ASXL1: variants seen among roughly 807,000 people sequenced by gnomAD.
The protein encoded by ASXL1 is polycomb group protein ASXL1.
A neutral mutation model predicts 89.1 loss-of-function variants in ASXL1; 65 were observed. The observed-to-expected ratio is 0.73, with a 90% CI of 0.60 to 0.90. The LOEUF (loss-of-function observed/expected upper bound fraction) is 0.90. Ranked by LOEUF, ASXL1 falls within the 40% of genes least tolerant of loss-of-function variation. The probability of loss-of-function intolerance (pLI) is 0.00; values close to 1 mark genes in which losing one functional copy is unlikely to be tolerated. For missense variants in ASXL1, 1,786 were observed against 1,942.9 expected, an observed-to-expected ratio of 0.92 and a Z score of 1.52; for synonymous variants, 739 against 746.9, an observed-to-expected ratio of 0.99 and a Z score of 0.17.
chr20:32,436,161 G>A lies in ASXL1; in HGVS notation c.3449G>A (p.Gly1150Glu), dbSNP rs773823004. The A allele has an allele frequency of 6.2e-7, 1 of 1,614,204 alleles. No homozygotes were observed. The highest frequency in any genetic ancestry group is 8.5e-7 in the Non-Finnish European group (1 of 1,180,044). ...KDQSHGSLRM[G>E]SLHGLGKNSG... ...CAGAGCCATGGCTCGCTACGCATGG[G>A]ATCTTTACATGGTCTTGGAAAAAAC... is the stretch of plus-strand genomic sequence containing the variant. Residue 1150 changes from glycine to glutamate, a missense_variant, in exon 13 of 13, where the codon GGA becomes GAA. Coordinates refer to ENST00000375687, the MANE Select transcript of ASXL1 (RefSeq NM_015338.6).
intron 4 of ASXL1, among the ~76,000 whole-genome samples, chr20:32,387,395 C>T (rs2048598047): frequency 6.6e-6 from 1 of 152,210 alleles, no homozygotes; most frequent in African/African-American, 2.4e-5. Flanking sequence ...CAGATGCCTG[C>T]TGATCCTTGA....
intron 6 of ASXL1, 61 bp downstream of exon 6, chr20:32,428,483 C>T: frequency 7.0e-7 from 1 of 1,433,244 alleles, no homozygotes. Flanking sequence ...AGGCAAGATC[C>T]CTCCTTCTCC....
chr20:32,433,780 G>T lies in ASXL1; in HGVS notation c.1582G>T (p.Glu528Ter), dbSNP rs746873290. 6.2e-7 allele frequency: 1 copy of T among 1,614,240 alleles called. No individual in the cohort carries two copies. The highest frequency in any genetic ancestry group is 1.1e-5 in the South Asian group (1 of 91,086). Residue 528 changes from glutamate to a stop codon, truncating the protein, a stop_gained, in exon 12 of 13, where the codon GAG becomes TAG. Coordinates refer to ENST00000375687, the MANE Select transcript of ASXL1 (RefSeq NM_015338.6). LOFTEE classifies it high-confidence loss of function. ...CAAGGATCAGAAGAGGAAATCCTTTGAGCAGGCGGCCTCTGCATCCTTTCC... is the reference window on the plus strand; with the variant it reads ...CAAGGATCAGAAGAGGAAATCCTTTTAGCAGGCGGCCTCTGCATCCTTTCC... ...EPKDQKRKSFEQAASASFPEK... is the reference protein window; with the variant it reads ...EPKDQKRKSF
intron 1 of ASXL1, among the ~76,000 whole-genome samples, chr20:32,362,695 A>G (rs1009770890): frequency 6.6e-6 from 1 of 152,230 alleles, no homozygotes; most frequent in African/African-American, 2.4e-5. Context: ...AGGAAAGAAG[A>G]TTCTTAAGAA....
chr20:32,414,376 A>C (rs2049101181), intron 4 of ASXL1, among the ~76,000 whole-genome samples: 1 of 148,808 alleles, frequency 6.7e-6, no homozygotes, highest in African/African-American at 2.5e-5. Flanking sequence ...TTTAATTTCT[A>C]GCAGATTGTT....
chr20:32,377,854 T>C (rs2048412489), intron 4 of ASXL1, among the ~76,000 whole-genome samples: 1 of 152,090 alleles, frequency 6.6e-6, no homozygotes, highest in Non-Finnish European at 1.5e-5. Context: ...GGTTTCACCA[T>C]GTTGGCCAGG....
chr20:32,430,958 C>T (rs2011495296), intron 8 of ASXL1: 2 of 466,932 alleles, frequency 4.3e-6, no homozygotes, highest in Non-Finnish European at 7.9e-6. Flanking sequence ...ACTAGATTTA[C>T]TTTTAGATAA....
chr20:32,372,989 C>T (rs2048324531), intron 4 of ASXL1, among the ~76,000 whole-genome samples: 1 of 148,312 alleles, frequency 6.7e-6, no homozygotes, highest in Non-Finnish European at 1.5e-5. Context: ...GTTGCCCAGG[C>T]TGGTCTTGAA....
At chr20:32,360,040 G>T in intron 1 of ASXL1, 3 of 498,086 alleles carry the variant, frequency 6.0e-6, no homozygotes, top group East Asian at 3.2e-5. Context: ...ATTTTGAAGT[G>T]AGTTTTCTGC....
intron 4 of ASXL1, among the ~76,000 whole-genome samples, chr20:32,370,707 C>T (rs1406681084): frequency 6.6e-6 from 1 of 152,008 alleles, no homozygotes; most frequent in Admixed American, 6.6e-5. Context: ...AAAACTTGGT[C>T]TTTATATATA....
In ASXL1 at chr20:32,431,479, A is replaced by C; in HGVS notation, c.877A>C (p.Arg293=). ...QLLFLLPEVD[R]QVGTDGLLRL... ...CCTCTTCCTCCTGCCTGAAGTAGAC[A>C]GACAGGTGCACATGGGCAGCCTCCC... is the stretch of plus-strand genomic sequence containing the variant. The change falls in exon 9 of 13, where the codon AGA becomes CGA. Residue 293 remains arginine, a synonymous_variant. Coordinates refer to ENST00000375687, the MANE Select transcript of ASXL1 (RefSeq NM_015338.6). 1 of 1,614,132 alleles carries C rather than the reference A, an allele frequency of 6.2e-7. No individual in the cohort carries two copies. Among genetic ancestry groups the C allele is most frequent in the Non-Finnish European group, 8.5e-7 (1 of 1,180,016 alleles).
At chr20:32,381,002 T>C (rs1422481189) in intron 4 of ASXL1, among the ~76,000 whole-genome samples, 1 of 152,232 alleles carries the variant, frequency 6.6e-6, no homozygotes, top group Non-Finnish European at 1.5e-5. Flanking sequence ...CTGGTCATTA[T>C]TCATTGTGTT....
chr20:32,390,121 CTT>C (rs990769080), intron 4 of ASXL1, among the ~76,000 whole-genome samples: 1 of 152,168 alleles, frequency 6.6e-6, no homozygotes, highest in Non-Finnish European at 1.5e-5. Flanking sequence ...TAAATCCTAA[CTT>C]AGCCTACCTT....
chr20:32,414,365 T>C (rs536984341), intron 4 of ASXL1, among the ~76,000 whole-genome samples: 2 of 152,144 alleles, frequency 1.3e-5, no homozygotes, highest in Non-Finnish European at 2.9e-5. Context: ...GGCCTCTCAT[T>C]TTTAATTTCT....
intron 4 of ASXL1, among the ~76,000 whole-genome samples, chr20:32,376,618 A>G (rs1183696981): frequency 6.6e-6 from 1 of 151,918 alleles, no homozygotes; most frequent in East Asian, 1.9e-4. Flanking sequence ...TTCCTTTTAA[A>G]GGTAGTAGTG....
chr20:32,427,041 A>G (rs930432910), intron 4 of ASXL1: 7 of 152,094 alleles, frequency 4.6e-5, no homozygotes, highest in African/African-American at 1.4e-4. Flanking sequence ...TCTTTTTCAC[A>G]TACTTTTATT....
intron 8 of ASXL1, chr20:32,430,368 G>T (rs2011479623): frequency 3.1e-6 from 1 of 320,374 alleles, no homozygotes; most frequent in Non-Finnish European, 5.7e-6. Context: ...TCTCAGTGAA[G>T]AATTCCAACA....
At chr20:32,410,783 C>T (rs1425784831) in intron 4 of ASXL1, among the ~76,000 whole-genome samples, 4 of 152,098 alleles carry the variant, frequency 2.6e-5, no homozygotes, top group Admixed American at 6.6e-5. Context: ...AATCCCAACA[C>T]TTTGGGAGAC....
chr20:32,424,943 C>T (rs1258016302), intron 4 of ASXL1, among the ~76,000 whole-genome samples: 3 of 152,144 alleles, frequency 2.0e-5, no homozygotes, highest in East Asian at 3.9e-4. Flanking sequence ...ACCTCCCCTA[C>T]CCCCCACTGC....
Sources: allele counts gnomAD v4.1 joint callset (sites outside exome capture counted in the v4.1 genomes callset), GRCh38; gene constraint gnomAD v4.1.1; transcripts MANE v1.5; gene names NCBI Gene and HGNC (gene_info 2026-07-23, HGNC 2026-07-21).